The following BCR variants were observed in gnomAD, a reference collection of about 807,000 sequenced individuals.
BCR encodes the protein BCR activator of RhoGEF and GTPase, also known as breakpoint cluster region protein.
In BCR, 58 loss-of-function variants were observed where a neutral mutation model predicts 138.6. That is an observed-to-expected ratio of 0.42 (90% CI 0.34 to 0.52). The LOEUF (loss-of-function observed/expected upper bound fraction) is 0.52, where lower values mean the gene tolerates loss of function less well. BCR is among the 20% of genes least tolerant of loss of function. The pLI is 0.06. For synonymous variants in BCR, 786 were observed against 730.1 expected, an observed-to-expected ratio of 1.08 and a Z score of -1.23; for missense variants, 1,599 against 1,727.2, an observed-to-expected ratio of 0.93 and a Z score of 1.32.
intron 8 of BCR, among the ~76,000 whole-genome samples, chr22:23,278,283 C>T (rs1168290048): frequency 6.6e-6 from 1 of 152,180 alleles, no homozygotes; most frequent in Non-Finnish European, 1.5e-5. Context: ...ATTGCAGAGG[C>T]CCCTCTTTTA....
chr22:23,240,562 A>G (rs2073078387), intron 1 of BCR, among the ~76,000 whole-genome samples: 2 of 151,988 alleles, frequency 1.3e-5, no homozygotes, highest in East Asian at 1.9e-4. Flanking sequence ...GAGGCAGGAG[A>G]ATGGCGTGAA....
rs143817048 is a variant in BCR, at chr22:23,187,874, C to T, written c.1279+5635C>T. On this transcript the variant is annotated intron_variant, in intron 1 of 22. Coordinates refer to ENST00000305877, the MANE Select transcript of BCR (RefSeq NM_004327.4). ...GTGTCAGTTGTGAGACGGGACAGAT[C>T]TTGTGTTTCTTCATGGACTTCATGT... Among the ~76,000 whole-genome samples the T allele has an allele frequency of 3.0e-3, 458 of 152,302 alleles. 4 individuals carry two copies. Among genetic ancestry groups the T allele is most frequent in the African/African-American group, 0.011 (437 of 41,572 alleles).
At chr22:23,228,028 C>G (rs2072913805) in intron 1 of BCR, among the ~76,000 whole-genome samples, 1 of 152,162 alleles carries the variant, frequency 6.6e-6, no homozygotes, top group Non-Finnish European at 1.5e-5. Flanking sequence ...CGCAGTATTT[C>G]CCTAGCATCT....
chr22:23,271,744 A>G, intron 6 of BCR, 152 bp downstream of exon 6: 2 of 727,256 alleles, frequency 2.8e-6, no homozygotes, highest in South Asian at 3.4e-5. Context: ...GCACGAGGAA[A>G]GAACAGCTCA....
intron 10 of BCR, among the ~76,000 whole-genome samples, chr22:23,285,422 C>T (rs1602104336): frequency 1.3e-5 from 2 of 152,176 alleles, no homozygotes; most frequent in South Asian, 2.1e-4. Context: ...CATACCAGAG[C>T]GGCTGCCAAC....
intron 1 of BCR, among the ~76,000 whole-genome samples, chr22:23,182,590 G>T (rs2072285445): frequency 6.6e-6 from 1 of 152,212 alleles, no homozygotes; most frequent in Non-Finnish European, 1.5e-5. Context: ...TCCATGCCGG[G>T]CAGTGAGGAT....
chr22:23,274,302 C>T (rs867644050), intron 8 of BCR, among the ~76,000 whole-genome samples: 2 of 152,158 alleles, frequency 1.3e-5, no homozygotes, highest in South Asian at 2.1e-4. Context: ...CCTTCCCCTT[C>T]CCCCCCGTCA....
chr22:23,273,807 C>T, intron 8 of BCR, 33 bp downstream of exon 8: 1 of 1,612,080 alleles, frequency 6.2e-7, no homozygotes, highest in Non-Finnish European at 8.5e-7. Context: ...TGGGTCCACC[C>T]ATCCTGCTGA....
At chr22:23,193,998 C>G (rs2072446553) in intron 1 of BCR, among the ~76,000 whole-genome samples, 1 of 152,238 alleles carries the variant, frequency 6.6e-6, no homozygotes, top group South Asian at 2.1e-4. Context: ...ACATCCAGTT[C>G]TCTGTCCCTG....
chr22:23,240,475 C>T (rs1466225162), intron 1 of BCR, among the ~76,000 whole-genome samples: 1 of 151,642 alleles, frequency 6.6e-6, no homozygotes, highest in Admixed American at 6.6e-5. Flanking sequence ...CACGGTGAAA[C>T]CCCGTCTCTA....
chr22:23,199,322 C>A (rs781110482), intron 1 of BCR: 2 of 518,462 alleles, frequency 3.9e-6, no homozygotes, highest in East Asian at 1.1e-4. Context: ...TCCCGCCATG[C>A]CTGTGTCATC....
chr22:23,216,026 C>T (rs1602023777), intron 1 of BCR, among the ~76,000 whole-genome samples: 1 of 152,106 alleles, frequency 6.6e-6, no homozygotes, highest in African/African-American at 2.4e-5. Context: ...TGAGAAATGT[C>T]TTATATGTAA....
intron 15 of BCR, 101 bp from the exon 16 acceptor site, chr22:23,294,923 C>A (rs1264670963): frequency 2.0e-6 from 3 of 1,464,424 alleles, no homozygotes; most frequent in African/African-American, 2.8e-5. Flanking sequence ...TCCCTCTGGG[C>A]CAGCAAGGGC....
At chr22:23,226,325 AGAGTGTGT>A (rs982291310) in intron 1 of BCR, among the ~76,000 whole-genome samples, 20 of 50,470 alleles carry the variant, frequency 4.0e-4, no homozygotes, top group African/African-American at 7.7e-4. Context: ...AGAGAGAGAG[AGAGTGTGT>A]GTGTGTGTGT....
chr22:23,181,575 C>A lies in BCR; in HGVS notation c.615C>A (p.Ser205Arg), dbSNP rs1285264416. The change falls in exon 1 of 23, where the codon AGC becomes AGA. Residue 205 changes from serine to arginine, a missense_variant. By Grantham distance (110) the Ser-to-Arg change is moderately radical. Around this residue, in one of 4 missense-constraint regions of BCR, gnomAD observed 806 missense variants for 635.0 expected, o/e 1.27. Coordinates refer to ENST00000305877, the MANE Select transcript of BCR (RefSeq NM_004327.4). ...EVSDRISSLG[S>R]QAMQMERKKS... ...CGGACCGCATCAGCTCCCTGGGCAG[C>A]CAGGCCATGCAGATGGAGCGCAAAA... 2 of 1,612,922 alleles carry A rather than the reference C, an allele frequency of 1.2e-6. No homozygotes were observed. The highest frequency in any genetic ancestry group is 1.7e-6 in the Non-Finnish European group (2 of 1,180,008).
At chr22:23,287,603 C>T (rs1373551233) in intron 11 of BCR, among the ~76,000 whole-genome samples, 2 of 152,230 alleles carry the variant, frequency 1.3e-5, no homozygotes. Context: ...GACACACCTT[C>T]TGTCCTGAGT....
At chr22:23,283,942 G>C (rs1162803971) in intron 8 of BCR, 35 bp from the exon 9 acceptor site, 2 of 1,556,682 alleles carry the variant, frequency 1.3e-6, no homozygotes, top group South Asian at 2.4e-5. Flanking sequence ...ATCACCCCAG[G>C]CTGGCCCTGA....
intron 12 of BCR, among the ~76,000 whole-genome samples, chr22:23,288,805 C>T (rs5751620): frequency 0.042 from 6,470 of 152,324 alleles, 171 homozygotes; most frequent in Middle Eastern, 0.11. Flanking sequence ...CTCCTTCCTT[C>T]GGGTCCTGCC....
At chr22:23,272,301 C>A (rs1447688204) in intron 6 of BCR, among the ~76,000 whole-genome samples, 3 of 152,190 alleles carry the variant, frequency 2.0e-5, no homozygotes, top group African/African-American at 7.2e-5. Context: ...GTTACACTTG[C>A]AAAGAACAGC....
Sources: gnomAD v4.1 joint callset for allele counts (sites outside exome capture counted in the v4.1 genomes callset) on GRCh38, gnomAD v4.1.1 for gene constraint, gnomAD v4.1.1 regional missense constraint, MANE v1.5 for transcripts, NCBI Gene and HGNC (gene_info 2026-07-23, HGNC 2026-07-21) for gene names.